Variants in UQCC1 observed in about 807,000 individuals in gnomAD.
UQCC1 encodes ubiquinol-cytochrome c reductase complex assembly factor 1.
In UQCC1, 38 loss-of-function variants were observed where a neutral mutation model predicts 48.0. The ratio of observed to expected loss-of-function variants is 0.79; its 90% CI spans 0.61 to 1.04. The LOEUF is 1.04. Ranked by LOEUF, UQCC1 falls within the 50% of genes least tolerant of loss-of-function variation. The pLI is 0.00. For synonymous variants in UQCC1, 111 were observed against 129.2 expected (o/e 0.86, Z 0.95); for missense variants, 368 against 381.8 (o/e 0.96, Z 0.30).
intron 1 of UQCC1, among the ~76,000 whole-genome samples, chr20:35,405,764 T>G (rs2062242199): frequency 6.6e-6 from 1 of 152,194 alleles, no homozygotes; most frequent in South Asian, 2.1e-4. Flanking sequence ...GGCAGGCACC[T>G]GTAATCCCAG....
intron 6 of UQCC1, among the ~76,000 whole-genome samples, chr20:35,348,163 G>A (rs2061450969): frequency 6.6e-6 from 1 of 152,130 alleles, no homozygotes. Flanking sequence ...ATAAATAAAT[G>A]AACAAACACC....
intron 7 of UQCC1, chr20:35,345,503 T>C (rs1000146462): frequency 2.0e-5 from 3 of 152,116 alleles, no homozygotes; most frequent in African/African-American, 7.2e-5. Flanking sequence ...GAAAAAATAC[T>C]TTTTTTCTCT....
chr20:35,380,104 T>C (rs921594405), intron 4 of UQCC1, among the ~76,000 whole-genome samples: 1 of 152,182 alleles, frequency 6.6e-6, no homozygotes, highest in Non-Finnish European at 1.5e-5. Context: ...TGTAAATGTT[T>C]CTTTTCTTTT....
At chr20:35,400,860 T>G (rs2062154440) in intron 1 of UQCC1, among the ~76,000 whole-genome samples, 1 of 152,196 alleles carries the variant, frequency 6.6e-6, no homozygotes, top group South Asian at 2.1e-4. Context: ...ATTGCAGTGA[T>G]TTTTACATCA....
intron 6 of UQCC1, among the ~76,000 whole-genome samples, chr20:35,357,288 AG>A (rs1396118679): frequency 2.6e-5 from 4 of 152,216 alleles, no homozygotes; most frequent in Non-Finnish European, 5.9e-5. Context: ...TGGGAGGCTG[AG>A]GCAGGCAGAT....
At chr20:35,351,751 C>G (rs2061492560) in intron 6 of UQCC1, among the ~76,000 whole-genome samples, 1 of 152,218 alleles carries the variant, frequency 6.6e-6, no homozygotes, top group African/African-American at 2.4e-5. Context: ...ACTGTATCAA[C>G]ATGGGATGAA....
intron 3 of UQCC1, among the ~76,000 whole-genome samples, chr20:35,382,292 G>C (rs2061880731): frequency 6.6e-6 from 1 of 151,376 alleles, no homozygotes; most frequent in Non-Finnish European, 1.5e-5. Flanking sequence ...ATTTTCTGTG[G>C]AGGTGGGGTC....
At chr20:35,323,300 T>C (rs1346062613) in intron 7 of UQCC1, among the ~76,000 whole-genome samples, 1 of 152,186 alleles carries the variant, frequency 6.6e-6, no homozygotes, top group African/African-American at 2.4e-5. Flanking sequence ...TTAGAAAAAC[T>C]GTCCTTAAAA....
chr20:35,307,038 G>C, intron 8 of UQCC1: 1 of 512,970 alleles, frequency 1.9e-6, no homozygotes, highest in East Asian at 3.6e-5. Context: ...GTGATGCAGA[G>C]CTGGGACTCA....
At chr20:35,371,150 T>C (rs1303740649) in intron 5 of UQCC1, among the ~76,000 whole-genome samples, 1 of 152,204 alleles carries the variant, frequency 6.6e-6, no homozygotes, top group Admixed American at 6.5e-5. Flanking sequence ...AAACATGATA[T>C]GTTAAATACG....
At chr20:35,373,580 G>A (rs951861162) in intron 5 of UQCC1, among the ~76,000 whole-genome samples, 2 of 151,634 alleles carry the variant, frequency 1.3e-5, no homozygotes, top group African/African-American at 4.9e-5. Flanking sequence ...TCGGGAGGCC[G>A]AGGCAGGAAA....
intron 8 of UQCC1, among the ~76,000 whole-genome samples, chr20:35,314,322 C>A (rs1034942885): frequency 1.3e-5 from 2 of 151,492 alleles, no homozygotes; most frequent in Non-Finnish European, 2.9e-5. Flanking sequence ...AAAGTGTATA[C>A]TTTGCCTGGC....
intron 1 of UQCC1, among the ~76,000 whole-genome samples, chr20:35,410,362 T>C (rs2062331102): frequency 6.6e-6 from 1 of 150,966 alleles, no homozygotes; most frequent in Non-Finnish European, 1.5e-5. Context: ...TGAAACTCCA[T>C]CTCTACTAAA....
intron 7 of UQCC1, among the ~76,000 whole-genome samples, chr20:35,341,787 C>G: frequency 6.6e-6 from 1 of 152,026 alleles, no homozygotes; most frequent in East Asian, 1.9e-4. Context: ...ATGGAGTGAG[C>G]AAAGACACAA....
chr20:35,352,971 C>T (rs2061506072), intron 6 of UQCC1, among the ~76,000 whole-genome samples: 1 of 151,960 alleles, frequency 6.6e-6, no homozygotes, highest in Non-Finnish European at 1.5e-5. Context: ...CGAGCCACTG[C>T]GCCCAGCTCT....
At chr20:35,395,108 C>T (rs2062058594) in intron 1 of UQCC1, among the ~76,000 whole-genome samples, 2 of 152,112 alleles carry the variant, frequency 1.3e-5, no homozygotes, top group African/African-American at 2.4e-5. Flanking sequence ...TGTTTACTAA[C>T]CTAGAAGCTC....
At chr20:35,350,373 G>A (rs1222221897) in intron 6 of UQCC1, among the ~76,000 whole-genome samples, 4 of 152,148 alleles carry the variant, frequency 2.6e-5, no homozygotes, top group Admixed American at 1.3e-4. Flanking sequence ...GTGAATCAAC[G>A]CTTGGTGGGA....
At chr20:35,411,229 A>G (rs1439335733) in intron 1 of UQCC1, among the ~76,000 whole-genome samples, 1 of 152,160 alleles carries the variant, frequency 6.6e-6, no homozygotes, top group Admixed American at 6.5e-5. Context: ...AGAGTATGCT[A>G]GAAGGGTCAG....
intron 7 of UQCC1, among the ~76,000 whole-genome samples, chr20:35,343,896 A>G (rs1249670577): frequency 6.6e-6 from 1 of 152,222 alleles, no homozygotes; most frequent in African/African-American, 2.4e-5. Flanking sequence ...CCATAGGCAC[A>G]TTAAAGTATG....
Sources: allele counts gnomAD v4.1 joint callset (sites outside exome capture counted in the v4.1 genomes callset), GRCh38; gene constraint gnomAD v4.1.1; transcripts MANE v1.5; gene names NCBI Gene and HGNC (gene_info 2026-07-23, HGNC 2026-07-21).